Variants in UGT2A1 observed in about 807,000 individuals in gnomAD.
UGT2A1 encodes the protein UDP-glucuronosyltransferase 2A1.
UGT2A1 carries 61 observed loss-of-function variants against 45.4 expected under a neutral mutation model. The ratio of observed to expected loss-of-function variants is 1.34; its 90% CI spans 1.09 to 1.66. UGT2A1 has a LOEUF of 1.66. Ranked by LOEUF, UGT2A1 falls within the 40% of genes most tolerant of loss-of-function variation. The probability of loss-of-function intolerance (pLI) is 0.00; values close to 1 mark genes in which losing one functional copy is unlikely to be tolerated. For synonymous variants in UGT2A1, 229 were observed against 196.2 expected (o/e 1.17, Z -1.40); for missense variants, 649 against 574.3 (o/e 1.13, Z -1.33).
At position 69,588,925 on chromosome 4, in the gene UGT2A1, C is replaced by A. The variant is rs556581310; in HGVS notation, c.*447G>T. ...TTTCTCATAACACACTACTCTCCTA[C>A]GGTGGCTCCCTGATTTGTTTGGTAT... On this transcript the variant is annotated 3_prime_UTR_variant, in exon 7 of 7. Coordinates refer to ENST00000286604, the MANE Select transcript of UGT2A1 (RefSeq NM_001252275.3). The A allele has an allele frequency of 6.5e-6, 1 of 153,766 alleles. No homozygotes were observed. The highest frequency in any genetic ancestry group is 1.9e-4 in the East Asian group (1 of 5,188). The allele number at this position is 153,766 out of a possible 1,614,324, so 9.5% of individuals were successfully genotyped here.
intron 3 of UGT2A1, among the ~76,000 whole-genome samples, chr4:69,629,024 T>G (rs1380317860): frequency 2.6e-5 from 4 of 151,984 alleles, no homozygotes; most frequent in South Asian, 4.2e-4. Context: ...ATGGTTATAC[T>G]CTTCTCCTGA....
chr4:69,642,398 A>G (rs557925784), intron 2 of UGT2A1, among the ~76,000 whole-genome samples: 6 of 151,816 alleles, frequency 4.0e-5, no homozygotes, highest in Non-Finnish European at 8.8e-5. Context: ...GAAAAAGAAG[A>G]AGGAAGGAAG....
chr4:69,598,331 T>C (rs1472463905), intron 4 of UGT2A1, among the ~76,000 whole-genome samples: 1 of 152,166 alleles, frequency 6.6e-6, no homozygotes, highest in Non-Finnish European at 1.5e-5. Flanking sequence ...TAATAGCCTG[T>C]TTCCTCACTC....
chr4:69,620,079 A>T (rs957639017), intron 3 of UGT2A1, among the ~76,000 whole-genome samples: 1 of 152,068 alleles, frequency 6.6e-6, no homozygotes, highest in Non-Finnish European at 1.5e-5. Flanking sequence ...TGGCAAAGAC[A>T]AGTATGCCCT....
intron 3 of UGT2A1, among the ~76,000 whole-genome samples, chr4:69,618,328 C>A (rs75049427): frequency 0.35 from 53,053 of 150,798 alleles, 9,656 homozygotes; most frequent in African/African-American, 0.43. Flanking sequence ...TAAATTAAGT[C>A]CAACCAGTAA....
intron 2 of UGT2A1, chr4:69,639,143 A>T: frequency 6.2e-7 from 1 of 1,613,668 alleles, no homozygotes; most frequent in Non-Finnish European, 8.5e-7. Flanking sequence ...GAGCAACAAG[A>T]TCACCACAGA....
chr4:69,595,661 G>A (rs956269362), intron 4 of UGT2A1, among the ~76,000 whole-genome samples: 3 of 152,094 alleles, frequency 2.0e-5, no homozygotes, highest in Admixed American at 1.3e-4. Flanking sequence ...ATGCAAAATT[G>A]TAGAGATAAA....
At position 69,588,652 on chromosome 4, in the gene UGT2A1, C is replaced by A. The variant is rs1002353487; in HGVS notation, c.*720G>T. On this transcript the variant is annotated 3_prime_UTR_variant, in exon 7 of 7. Transcript: ENST00000286604. ...CCTTCAACATATAACATAGAACTTT[C>A]TCCTTGAAATAAAAGAGTCGATTGA... The A allele has an allele frequency of 5.3e-5, 8 of 151,752 alleles. No individual in the cohort carries two copies. The highest frequency in any genetic ancestry group is 1.9e-4 in the African/African-American group (8 of 41,352). The allele number at this position is 151,752 out of a possible 1,614,324, so 9.4% of individuals were successfully genotyped here.
chr4:69,642,992 G>T (rs1333958568), intron 2 of UGT2A1, among the ~76,000 whole-genome samples: 1 of 150,758 alleles, frequency 6.6e-6, no homozygotes, highest in Non-Finnish European at 1.5e-5. Flanking sequence ...TCCATTTTTT[G>T]AAATGCATAA....
rs1722319687 is a variant in UGT2A1 at position 69,647,323 on chromosome 4, A to G, written c.322T>C (p.Tyr108His). 1.2e-6 allele frequency: 2 copies of G among 1,613,390 alleles called. No homozygotes were observed. Among genetic ancestry groups the G allele is most frequent in the Non-Finnish European group, 1.7e-6 (2 of 1,179,536 alleles). Residue 108 changes from tyrosine (Y) to histidine (H), a missense_variant, in exon 2 of 7, where the codon TAT becomes CAT. Physicochemically the swap from Tyr to His is moderately conservative, Grantham distance 83. Coordinates refer to ENST00000286604, the MANE Select transcript of UGT2A1 (RefSeq NM_001252275.3). ...TTGATTACTTTGGCCATCTCCTGAT[A>G]GAATCTCCAAATGGTTGAAGGAGAT... ...RPSPSTIWRF[Y>H]QEMAKVIKDF...
Position 69,603,003 on chromosome 4 carries a change from G to A in UGT2A1, c.848-3609C>T, listed in dbSNP as rs1407126674. Among the ~76,000 whole-genome samples the A allele has an allele frequency of 1.5e-5, 2 of 134,380 alleles. 1 individual carries two copies. The highest frequency in any genetic ancestry group is 1.5e-4 in the Admixed American group (2 of 13,550). The allele number at this position is 134,380 out of a possible 152,430, so 88.2% of individuals were successfully genotyped here. On this transcript the variant is annotated intron_variant, in intron 3 of 6. Coordinates refer to ENST00000286604, the MANE Select transcript of UGT2A1 (RefSeq NM_001252275.3). The stretch of plus-strand genomic sequence containing the variant: ...AATTGCTTGAACCCGGGAGGAGGAG[G>A]TTGCAGTGAGCCAAGATCACGCCAC...
At chr4:69,650,121 C>A (rs989413618) in intron 1 of UGT2A1, among the ~76,000 whole-genome samples, 2 of 152,110 alleles carry the variant, frequency 1.3e-5, no homozygotes, top group African/African-American at 4.8e-5. Context: ...ATTAAACTTT[C>A]ACTCCAACCT....
chr4:69,589,424 A>G lies in UGT2A1; in HGVS notation c.1532T>C (p.Leu511Ser). 6.2e-7 allele frequency: 1 copy of G among 1,613,936 alleles called. No homozygotes were observed. Among genetic ancestry groups the G allele is most frequent in the South Asian group, 1.1e-5 (1 of 91,036 alleles). Residue 511 changes from leucine (L) to serine (S), a missense_variant, in exon 7 of 7, where the codon TTG (leucine) becomes TCG (serine). Coordinates refer to ENST00000286604, the MANE Select transcript of UGT2A1 (RefSeq NM_001252275.3). ...CTTACCAAATTTTTGACAGGAAAACAAACAACATTGTATGACCAAAAATAT... is the reference window on the plus strand; with the variant it reads ...CTTACCAAATTTTTGACAGGAAAACGAACAACATTGTATGACCAAAAATAT... ...TAIFLVIQCC[L>S]FSCQKFGKIG...
At chr4:69,628,019 T>C (rs1721186255) in intron 3 of UGT2A1, among the ~76,000 whole-genome samples, 1 of 152,006 alleles carries the variant, frequency 6.6e-6, no homozygotes, top group South Asian at 2.1e-4. Context: ...CTATTTTAGG[T>C]TGATATAATC....
At chr4:69,621,398 A>C (rs1295114411) in intron 3 of UGT2A1, among the ~76,000 whole-genome samples, 1 of 152,018 alleles carries the variant, frequency 6.6e-6, no homozygotes, top group Non-Finnish European at 1.5e-5. Flanking sequence ...TAAAAAGCTA[A>C]AAGCTAAATA....
At chr4:69,641,905 T>C (rs745353607) in intron 2 of UGT2A1, among the ~76,000 whole-genome samples, 2 of 151,740 alleles carry the variant, frequency 1.3e-5, no homozygotes, top group African/African-American at 4.8e-5. Flanking sequence ...AATCTTATTT[T>C]TTAAATGATC....
chr4:69,614,065 G>A (rs1583243), intron 3 of UGT2A1, among the ~76,000 whole-genome samples: 121,342 of 151,894 alleles, frequency 0.8, 48,678 homozygotes, highest in African/African-American at 0.87. Flanking sequence ...ATATGATCTT[G>A]TATCTAGAAA....
Position 69,603,802 on chromosome 4 carries a change from G to C in UGT2A1, c.848-4408C>G, listed in dbSNP as rs542736403. ...CCTCAGTAGCCGATTCAATCAACTG[G>C]AAGAAAGGGTATCAGTGATGGAAGA... On this transcript the variant is annotated intron_variant, in intron 3 of 6. Transcript: ENST00000286604. Among the ~76,000 whole-genome samples, 7 of 137,062 alleles carry C rather than the reference G, an allele frequency of 5.1e-5. 3 individuals carry two copies. Among genetic ancestry groups the C allele is most frequent in the South Asian group, 2.4e-4 (1 of 4,206 alleles). 89.9% of individuals were successfully genotyped at this position (137,062 alleles called of 152,430 possible).
chr4:69,614,323 G>C (rs947455870), intron 3 of UGT2A1, among the ~76,000 whole-genome samples: 1 of 151,890 alleles, frequency 6.6e-6, no homozygotes, highest in Admixed American at 6.6e-5. Context: ...GATTGAACAG[G>C]ACAGAAAAAA....
Sources: gnomAD v4.1 joint callset for allele counts (sites outside exome capture counted in the v4.1 genomes callset) on GRCh38, gnomAD v4.1.1 for gene constraint, MANE v1.5 for transcripts, NCBI Gene and HGNC (gene_info 2026-07-23, HGNC 2026-07-21) for gene names.